L3MBTL4: variants seen among roughly 807,000 people sequenced by gnomAD.
L3MBTL4 encodes the protein L3MBTL histone methyl-lysine binding protein 4.
A neutral mutation model predicts 84.5 loss-of-function variants in L3MBTL4; 70 were observed. That is an observed-to-expected ratio of 0.83 (90% CI 0.68 to 1.01). The LOEUF (loss-of-function observed/expected upper bound fraction) is 1.01. Ranked by LOEUF, L3MBTL4 falls within the 50% of genes least tolerant of loss-of-function variation. The pLI is 0.00. For missense variants in L3MBTL4, 715 were observed against 754.8 expected (o/e 0.95, Z 0.62); for synonymous variants, 274 against 259.8 (o/e 1.05, Z -0.52).
intron 4 of L3MBTL4, among the ~76,000 whole-genome samples, chr18:6,274,352 T>C (rs1052475590): frequency 2.0e-5 from 3 of 152,202 alleles, no homozygotes; most frequent in Middle Eastern, 6.3e-3. Context: ...TATTGCTCCC[T>C]ATGAGGGCCA....
At chr18:6,318,532 G>GACA (rs2051237211) in intron 1 of L3MBTL4, among the ~76,000 whole-genome samples, 3 of 46,128 alleles carry the variant, frequency 6.5e-5, no homozygotes, top group African/African-American at 2.2e-4. Flanking sequence ...AAAAGACAAA[G>GACA]AAGGTCATTA....
At chr18:5,976,683 T>C (rs1196814122) in intron 16 of L3MBTL4, among the ~76,000 whole-genome samples, 1 of 152,176 alleles carries the variant, frequency 6.6e-6, no homozygotes, top group African/African-American at 2.4e-5. Flanking sequence ...CTCTGAGCCA[T>C]GTGTTTGTCT....
At chr18:6,072,723 G>A (rs1200274656) in intron 16 of L3MBTL4, among the ~76,000 whole-genome samples, 2 of 148,734 alleles carry the variant, frequency 1.3e-5, no homozygotes, top group Non-Finnish European at 1.5e-5. Context: ...GGGCGTAGTG[G>A]CGGGCCCCTG....
chr18:6,251,177 C>T (rs181684834), intron 5 of L3MBTL4, among the ~76,000 whole-genome samples: 43 of 152,330 alleles, frequency 2.8e-4, no homozygotes, highest in Admixed American at 2.3e-3. Flanking sequence ...TTGCAGGCTT[C>T]GCTAAAATAG....
intron 10 of L3MBTL4, among the ~76,000 whole-genome samples, chr18:6,229,202 A>C (rs147769606): frequency 6.6e-6 from 1 of 152,196 alleles, no homozygotes; most frequent in African/African-American, 2.4e-5. Flanking sequence ...ACACAGTGAT[A>C]AACATCAAAA....
chr18:6,191,343 A>T (rs73383939), intron 12 of L3MBTL4, among the ~76,000 whole-genome samples: 11,683 of 152,092 alleles, frequency 0.077, 1,508 homozygotes, highest in African/African-American at 0.27. Flanking sequence ...TGTAGTCAAC[A>T]GTTTGCTGGT....
intron 13 of L3MBTL4, among the ~76,000 whole-genome samples, chr18:6,151,266 T>C (rs2144832864): frequency 6.6e-6 from 1 of 152,352 alleles, no homozygotes; most frequent in Admixed American, 6.5e-5. Flanking sequence ...ACATAATTTG[T>C]GCCAACTCAT....
chr18:6,198,153 A>G (rs1389481234), intron 12 of L3MBTL4, among the ~76,000 whole-genome samples: 1 of 152,198 alleles, frequency 6.6e-6, no homozygotes, highest in Non-Finnish European at 1.5e-5. Context: ...TGGCCAACAT[A>G]TCTTCACAAT....
chr18:6,050,826 A>G (rs1042671646), intron 16 of L3MBTL4, among the ~76,000 whole-genome samples: 4 of 152,218 alleles, frequency 2.6e-5, no homozygotes, highest in African/African-American at 9.7e-5. Flanking sequence ...GAAAAATAGA[A>G]TAAGAAGCAA....
intron 16 of L3MBTL4, among the ~76,000 whole-genome samples, chr18:5,987,053 T>C (rs2053492617): frequency 6.6e-6 from 1 of 152,196 alleles, no homozygotes. Flanking sequence ...CTGTGGTGCC[T>C]TTGCATCTTG....
chr18:5,980,086 G>A (rs1392743839), intron 16 of L3MBTL4, among the ~76,000 whole-genome samples: 1 of 152,324 alleles, frequency 6.6e-6, no homozygotes, highest in Middle Eastern at 3.4e-3. Context: ...ACAGATGCTG[G>A]CTCCTAGGCA....
At chr18:6,282,180 G>A (rs1037389153) in intron 4 of L3MBTL4, among the ~76,000 whole-genome samples, 1 of 152,196 alleles carries the variant, frequency 6.6e-6, no homozygotes, top group Non-Finnish European at 1.5e-5. Context: ...GACCTACTGT[G>A]TACTAGGCTC....
chr18:6,089,493 A>G (rs1051985229), intron 15 of L3MBTL4, among the ~76,000 whole-genome samples: 1 of 152,208 alleles, frequency 6.6e-6, no homozygotes, highest in African/African-American at 2.4e-5. Context: ...AGACATCAGT[A>G]GAAAGTAAGA....
At chr18:6,243,468 A>G (rs374304525) in intron 6 of L3MBTL4, 39 bp from the exon 7 acceptor site, 47 of 1,528,170 alleles carry the variant, frequency 3.1e-5, no homozygotes, top group Non-Finnish European at 4.1e-5. Flanking sequence ...GTTAAGTGTC[A>G]TATATTTGGA....
intron 16 of L3MBTL4, among the ~76,000 whole-genome samples, chr18:6,049,690 C>A (rs2056773226): frequency 6.6e-6 from 1 of 151,824 alleles, no homozygotes; most frequent in African/African-American, 2.4e-5. Flanking sequence ...ATAAAGGTGG[C>A]AAAAATAGAT....
intron 16 of L3MBTL4, among the ~76,000 whole-genome samples, chr18:5,980,803 T>C (rs2053176454): frequency 6.6e-6 from 1 of 152,174 alleles, no homozygotes; most frequent in African/African-American, 2.4e-5. Flanking sequence ...ATTTTCTTCT[T>C]GTAGGAGTTG....
At chr18:6,390,223 C>T (rs192555231) in intron 1 of L3MBTL4, among the ~76,000 whole-genome samples, 3 of 152,062 alleles carry the variant, frequency 2.0e-5, no homozygotes, top group Non-Finnish European at 2.9e-5. Flanking sequence ...ACAATCTGCT[C>T]CTGAATGATT....
At chr18:6,253,116 C>T (rs1011231899) in intron 5 of L3MBTL4, among the ~76,000 whole-genome samples, 5 of 152,268 alleles carry the variant, frequency 3.3e-5, no homozygotes, top group African/African-American at 9.6e-5. Flanking sequence ...GCAGAAGAAT[C>T]GCTTGAGCCT....
intron 12 of L3MBTL4, among the ~76,000 whole-genome samples, chr18:6,206,163 T>C (rs2145715911): frequency 6.6e-6 from 1 of 152,294 alleles, no homozygotes; most frequent in South Asian, 2.1e-4. Flanking sequence ...TAGTCTAAAA[T>C]AAGGTCCTTA....
Sources: allele counts gnomAD v4.1 joint callset (sites outside exome capture counted in the v4.1 genomes callset), GRCh38; gene constraint gnomAD v4.1.1; transcripts MANE v1.5; gene names NCBI Gene and HGNC (gene_info 2026-07-23, HGNC 2026-07-21).